DCHS2: variants seen among roughly 807,000 people sequenced by gnomAD.
The protein encoded by DCHS2 is protocadherin-23.
DCHS2 carries 142 observed loss-of-function variants against 182.4 expected under a neutral mutation model. The observed-to-expected ratio is 0.78, with a 90% CI of 0.68 to 0.89. DCHS2 has a LOEUF of 0.89. Ranked by LOEUF, DCHS2 falls within the 40% of genes least tolerant of loss-of-function variation. The probability of loss-of-function intolerance (pLI) is 0.00; values close to 1 mark genes in which losing one functional copy is unlikely to be tolerated. For missense variants in DCHS2, 4,319 were observed against 4,198.6 expected (o/e 1.03, Z -0.79); for synonymous variants, 1,740 against 1,663.3 (o/e 1.05, Z -1.12).
chr4:154,381,544 T>A (rs964227915), intron 1 of DCHS2, among the ~76,000 whole-genome samples: 2 of 152,088 alleles, frequency 1.3e-5, no homozygotes, highest in Non-Finnish European at 2.9e-5. Flanking sequence ...TTCGTAAGAC[T>A]CTGCCAAAAG....
chr4:154,415,595 G>A (rs1364421955), intron 1 of DCHS2, among the ~76,000 whole-genome samples: 1 of 152,182 alleles, frequency 6.6e-6, no homozygotes, highest in Admixed American at 6.5e-5. Flanking sequence ...GGTACTGGGG[G>A]AAAGACAGAA....
intron 3 of DCHS2, among the ~76,000 whole-genome samples, chr4:154,345,329 C>G (rs952306287): frequency 7.2e-5 from 11 of 152,214 alleles, no homozygotes; most frequent in Non-Finnish European, 1.5e-4. Context: ...GCTGTCTATA[C>G]TAAATTATTT....
intron 13 of DCHS2, among the ~76,000 whole-genome samples, chr4:154,271,713 G>A (rs1312317026): frequency 6.6e-6 from 1 of 152,084 alleles, no homozygotes; most frequent in Non-Finnish European, 1.5e-5. Context: ...ACCCTCTTAG[G>A]ATTGCCTGCC....
chr4:154,389,153 C>G (rs1192059931), intron 1 of DCHS2, among the ~76,000 whole-genome samples: 1 of 152,128 alleles, frequency 6.6e-6, no homozygotes, highest in African/African-American at 2.4e-5. Context: ...ATTTTATTTA[C>G]ACATATCAAT....
intron 1 of DCHS2, among the ~76,000 whole-genome samples, chr4:154,453,374 A>G (rs62330366): frequency 0.18 from 26,707 of 150,982 alleles, 2,476 homozygotes; most frequent in South Asian, 0.23. Context: ...CAAGAGGGTT[A>G]TATTTAGGAA....
Position 154,234,540 on chromosome 4 carries a change from A to G in DCHS2, c.10112T>C (p.Ile3371Thr), listed in dbSNP as rs764026194. Residue 3371 changes from isoleucine to threonine, a missense_variant, in exon 20 of 20, where the codon ATA becomes ACA. Transcript: ENST00000357232. The stretch of plus-strand genomic sequence containing the variant: ...GTACTTGGCATCCCAGTGGTTTCAT[A>G]TTTGAACTTCATCTTCTGCTTTAAG... ...HELKAEDEVQ[I>T] The G allele has an allele frequency of 3.1e-6, 5 of 1,605,604 alleles. No individual in the cohort carries two copies. The South Asian group carries it at 4.5e-5, about 14-fold the overall frequency.
intron 1 of DCHS2, among the ~76,000 whole-genome samples, chr4:154,438,568 T>C (rs2110950353): frequency 6.6e-6 from 1 of 152,320 alleles, no homozygotes; most frequent in African/African-American, 2.4e-5. Flanking sequence ...CCATGGGTTT[T>C]GACTAGATTT....
intron 16 of DCHS2, among the ~76,000 whole-genome samples, chr4:154,254,142 A>G: frequency 6.6e-6 from 1 of 152,226 alleles, no homozygotes; most frequent in East Asian, 1.9e-4. Flanking sequence ...ATTAAATAGA[A>G]TACAGTATGA....
chr4:154,239,039 C>A, intron 19 of DCHS2, 131 bp downstream of exon 19: 1 of 1,222,218 alleles, frequency 8.2e-7, no homozygotes, highest in Non-Finnish European at 1.1e-6. Flanking sequence ...AGTAATGAAA[C>A]AGTCGTGCTT....
At position 154,345,843 on chromosome 4, in the gene DCHS2, T is replaced by C. The variant is rs577943121; in HGVS notation, c.2477-10739A>G. On this transcript the variant is annotated intron_variant, in intron 3 of 19. Coordinates refer to ENST00000357232, the MANE Select transcript of DCHS2 (RefSeq NM_001358235.2). Reference sequence around the variant, plus strand: ...AAAAAAATCATGAGATGGCTTGAGATTAGTCAGAATTACACAAAGAAGAGA... The same window carrying C: ...AAAAAAATCATGAGATGGCTTGAGACTAGTCAGAATTACACAAAGAAGAGA... 5.8e-4 allele frequency among the ~76,000 whole-genome samples: 88 copies of C among 152,338 alleles called. 1 individual carries two copies. Among genetic ancestry groups the C allele is most frequent in the African/African-American group, 1.9e-3 (81 of 41,576 alleles).
At chr4:154,351,525 C>T (rs947662519) in intron 3 of DCHS2, among the ~76,000 whole-genome samples, 6 of 152,060 alleles carry the variant, frequency 3.9e-5, no homozygotes, top group Non-Finnish European at 7.4e-5. Flanking sequence ...TGAATAGATG[C>T]CTTCTTATTT....
intron 13 of DCHS2, among the ~76,000 whole-genome samples, chr4:154,271,992 A>G (rs1733623547): frequency 6.6e-6 from 1 of 152,122 alleles, no homozygotes; most frequent in Non-Finnish European, 1.5e-5. Context: ...ATAAGTCTAC[A>G]TTAGTTCTGC....
chr4:154,311,654 A>G (rs1735677293), intron 10 of DCHS2, among the ~76,000 whole-genome samples: 1 of 152,184 alleles, frequency 6.6e-6, no homozygotes, highest in South Asian at 2.1e-4. Context: ...AATAAATTCT[A>G]AACAGTGAGG....
Position 154,491,610 on chromosome 4 carries a change from C to CT in DCHS2, c.-256dup. On this transcript the variant is annotated 5_prime_UTR_variant, in exon 1 of 20. Transcript: ENST00000357232. ...AGCCACCTCTTCTGCCCCTGGATTT[C>CT]TTTAAACGAATCTCATCTCTTTTTC... 7.5e-7 allele frequency: 1 copy of CT among 1,328,498 alleles called. No homozygotes were observed. The allele number at this position is 1,328,498 out of a possible 1,614,324, so 82.3% of individuals were successfully genotyped here. A position where few individuals can be genotyped will look rare whatever the true frequency, so the allele number is the denominator to read the frequency against.
At chr4:154,258,594 C>A (rs976722248) in intron 15 of DCHS2, among the ~76,000 whole-genome samples, 3 of 152,060 alleles carry the variant, frequency 2.0e-5, no homozygotes, top group Non-Finnish European at 4.4e-5. Flanking sequence ...TCAGACTAGT[C>A]TCGAACTCCT....
chr4:154,463,590 G>A (rs1735107381), intron 1 of DCHS2, among the ~76,000 whole-genome samples: 1 of 152,096 alleles, frequency 6.6e-6, no homozygotes, highest in East Asian at 1.9e-4. Flanking sequence ...ACAGTACTGA[G>A]CTATTAAAAT....
chr4:154,388,162 T>C (rs1044822117), intron 1 of DCHS2, among the ~76,000 whole-genome samples: 1 of 152,124 alleles, frequency 6.6e-6, no homozygotes, highest in Non-Finnish European at 1.5e-5. Context: ...ATGAAAAACA[T>C]ATAATGTGGC....
chr4:154,380,134 G>T (rs538075800), intron 1 of DCHS2, among the ~76,000 whole-genome samples: 1 of 152,276 alleles, frequency 6.6e-6, no homozygotes, highest in East Asian at 1.9e-4. Context: ...CCCTGGGCAT[G>T]ATGAAACTCC....
At chr4:154,398,272 G>A (rs1381314351) in intron 1 of DCHS2, among the ~76,000 whole-genome samples, 1 of 152,230 alleles carries the variant, frequency 6.6e-6, no homozygotes, top group African/African-American at 2.4e-5. Flanking sequence ...GAAAAGAGGA[G>A]TTTGAATCCT....
Sources: gnomAD v4.1 joint callset for allele counts (sites outside exome capture counted in the v4.1 genomes callset) on GRCh38, gnomAD v4.1.1 for gene constraint, MANE v1.5 for transcripts, NCBI Gene and HGNC (gene_info 2026-07-23, HGNC 2026-07-21) for gene names.